Variants in TCFL5 observed in about 807,000 individuals in gnomAD.
The protein encoded by TCFL5 is transcription factor-like 5 protein.
TCFL5 carries 9 observed loss-of-function variants against 44.3 expected under a neutral mutation model. The ratio of observed to expected loss-of-function variants is 0.20; its 90% CI spans 0.12 to 0.35. TCFL5 has a LOEUF of 0.35. Ranked by LOEUF, TCFL5 falls within the 10% of genes least tolerant of loss-of-function variation. The pLI is 1.00. For missense variants in TCFL5, 603 were observed against 613.4 expected (o/e 0.98, Z 0.18); for synonymous variants, 319 against 271.6 (o/e 1.17, Z -1.72).
chr20:62,844,557 TTC>T (rs149701485), intron 5 of TCFL5, among the ~76,000 whole-genome samples: 6,903 of 147,076 alleles, frequency 0.047, 309 homozygotes, highest in African/African-American at 0.11. Flanking sequence ...AACATTTTTT[TTC>T]TGTTTTTTTT....
intron 5 of TCFL5, 141 bp downstream of exon 5, chr20:62,853,875 G>C: frequency 1.2e-6 from 1 of 847,796 alleles, no homozygotes; most frequent in Non-Finnish European, 1.8e-6. Context: ...TTAAAGAGCA[G>C]AGCTTTGCTC....
In TCFL5 at chr20:62,846,760, C is replaced by T. The variant is rs73321003; in HGVS notation, c.1381-4663G>A. Among the ~76,000 whole-genome samples, 750 of 130,016 alleles carry T rather than the reference C, an allele frequency of 5.8e-3. 10 individuals are homozygous for T. The highest frequency in any genetic ancestry group is 0.021 in the African/African-American group (713 of 34,270). The allele number at this position is 130,016 out of a possible 152,430, so 85.3% of individuals were successfully genotyped here. ...CCTGGGTGACAGAATGAGGGCCCCT[C>T]GCTGGGAAAAAAAAAAAAAGAGAGA... On this transcript the variant is annotated intron_variant, in intron 5 of 5. Transcript: ENST00000335351.
In TCFL5 at chr20:62,841,953, C is replaced by T. The variant is rs768190531; in HGVS notation, c.*22G>A. 44 of 1,612,964 alleles carry T rather than the reference C, an allele frequency of 2.7e-5. No individual in the cohort carries two copies. In the Admixed American group the frequency reaches 6.2e-4, roughly 23 times the overall value. ...CACGAAGGAATGGCTGTTCACCCCC[C>T]GAGGATTCCTGTTCAGTCCGATCAC... is the stretch of plus-strand genomic sequence containing the variant. On this transcript the variant is annotated 3_prime_UTR_variant, in exon 6 of 6. Coordinates refer to ENST00000335351, the MANE Select transcript of TCFL5 (RefSeq NM_006602.4).
chr20:62,859,253 T>C lies in TCFL5; in HGVS notation c.994+111A>G, dbSNP rs182585011. 196 of 1,075,482 alleles carry C rather than the reference T, an allele frequency of 1.8e-4. No individual in the cohort carries two copies. In the African/African-American group the frequency reaches 2.3e-3, roughly 13 times the overall value. The allele number at this position is 1,075,482 out of a possible 1,614,324, so 66.6% of individuals were successfully genotyped here. Reference sequence around the variant, plus strand: ...AGATACACAGACACCTCCAAGACTGTTTCACATGTGTACAAACCATCTGTC... The same window carrying C: ...AGATACACAGACACCTCCAAGACTGCTTCACATGTGTACAAACCATCTGTC... On this transcript the variant is annotated intron_variant, in intron 3 of 5. Transcript: ENST00000335351.
chr20:62,852,963 G>A, intron 5 of TCFL5: 3 of 1,288,906 alleles, frequency 2.3e-6, no homozygotes, highest in Non-Finnish European at 3.0e-6. Context: ...CTAGTCCGCA[G>A]AAGCATGGTC....
At chr20:62,854,384 G>A (rs1013817339) in intron 4 of TCFL5, among the ~76,000 whole-genome samples, 3 of 152,186 alleles carry the variant, frequency 2.0e-5, no homozygotes, top group Admixed American at 1.3e-4. Flanking sequence ...TGCCCTTGGC[G>A]GCCCCATGAC....
At chr20:62,853,129 CAGTCACCCGGTCCACAGTAT>C (rs1476298129) in intron 5 of TCFL5, among the ~76,000 whole-genome samples, 20 of 135,584 alleles carry the variant, frequency 1.5e-4, no homozygotes, top group South Asian at 9.2e-4. Context: ...CACAGAAGTA[CAGTCACCCGGTCCACAGTAT>C]AGTCACCCAG....
At chr20:62,852,197 C>T (rs1018110694) in intron 5 of TCFL5, 1 of 985,338 alleles carries the variant, frequency 1.0e-6, no homozygotes, top group African/African-American at 1.7e-5. Context: ...GCAGCAATTC[C>T]CCAACAGCTT....
intron 5 of TCFL5, chr20:62,845,602 T>C (rs1383215270): frequency 1.8e-5 from 29 of 1,575,542 alleles, no homozygotes; most frequent in Non-Finnish European, 2.4e-5. Context: ...CCGGAGAAGT[T>C]AGACCCTCGG....
intron 5 of TCFL5, chr20:62,852,524 G>A: frequency 1.0e-6 from 1 of 985,492 alleles, no homozygotes; most frequent in South Asian, 4.7e-5. Flanking sequence ...AACCACGATG[G>A]CTTGCTGCAG....
intron 5 of TCFL5, among the ~76,000 whole-genome samples, chr20:62,846,953 G>A (rs1012805564): frequency 2.0e-5 from 3 of 152,092 alleles, no homozygotes; most frequent in African/African-American, 7.2e-5. Context: ...GGGAGGCCGA[G>A]GTGGGTGGAT....
chr20:62,854,013 A>G lies in TCFL5; in HGVS notation c.1380+3T>C. On this transcript the variant is annotated splice_donor_region_variant and intron_variant, in intron 5 of 5. Transcript: ENST00000335351. ...CTGAAAATCTACCTGGCCTACCACTAACCTTTTTAAGAGAATCTCCATGTC... is the reference window on the plus strand; with the variant it reads ...CTGAAAATCTACCTGGCCTACCACTGACCTTTTTAAGAGAATCTCCATGTC... 1 of 1,613,718 alleles carries G rather than the reference A, an allele frequency of 6.2e-7. No homozygotes were observed. Among genetic ancestry groups the G allele is most frequent in the Non-Finnish European group, 8.5e-7 (1 of 1,179,932 alleles).
chr20:62,856,235 A>G (rs1386043288), intron 4 of TCFL5, among the ~76,000 whole-genome samples: 1 of 149,318 alleles, frequency 6.7e-6, no homozygotes, highest in African/African-American at 2.5e-5. Flanking sequence ...CCTGGGTGAC[A>G]AAGCAAGACT....
intron 4 of TCFL5, among the ~76,000 whole-genome samples, chr20:62,856,263 A>AG (rs2063888273): frequency 6.6e-6 from 1 of 150,882 alleles, no homozygotes; most frequent in African/African-American, 2.4e-5. Flanking sequence ...AAAAAAAAAA[A>AG]AAAAAAAGAA....
intron 5 of TCFL5, among the ~76,000 whole-genome samples, chr20:62,844,133 G>A (rs1642940695): frequency 6.6e-6 from 1 of 152,210 alleles, no homozygotes; most frequent in Non-Finnish European, 1.5e-5. Flanking sequence ...TGAACCTTCT[G>A]AGGAGCTGTC....
Position 62,842,180 on chromosome 20 carries a change from A to C in TCFL5, c.1381-83T>G. On this transcript the variant is annotated intron_variant, in intron 5 of 5. Transcript: ENST00000335351. This position sits in a 1 kb window ranked among gnomAD's most constrained non-coding sequence, Gnocchi z 4.3. The stretch of plus-strand genomic sequence containing the variant: ...TTCCAAAGTGCAAAAGGTTCAAATT[A>C]AGAGCTAAGTAAATGACTTTAGAAT... 6.4e-7 allele frequency: 1 copy of C among 1,562,774 alleles called. No homozygotes were observed. Among genetic ancestry groups the C allele is most frequent in the Non-Finnish European group, 8.7e-7 (1 of 1,146,432 alleles).
Position 62,861,481 on chromosome 20 carries a change from G to A in TCFL5, c.190C>T (p.His64Tyr). ...TCGCCGTCAGCCGCCGCCTCCATGTGCGAGCAGAGGATGTGCTGCAGCTGC... is the reference window on the plus strand; with the variant it reads ...TCGCCGTCAGCCGCCGCCTCCATGTACGAGCAGAGGATGTGCTGCAGCTGC... ...YTQLQHILCS[H>Y]MEAAADGELE... Residue 64 changes from histidine to tyrosine, a missense_variant, in exon 1 of 6, where the codon CAC (histidine) becomes TAC (tyrosine). Coordinates refer to ENST00000335351, the MANE Select transcript of TCFL5 (RefSeq NM_006602.4). The surrounding 1 kb of genome is among the most constrained non-coding windows in gnomAD (Gnocchi z 4.0). The A allele has an allele frequency of 1.7e-6, 2 of 1,193,840 alleles. No individual in the cohort carries two copies. Among genetic ancestry groups the A allele is most frequent in the Non-Finnish European group, 2.1e-6 (2 of 948,016 alleles). The allele number at this position is 1,193,840 out of a possible 1,614,324, so 74.0% of individuals were successfully genotyped here.
Position 62,861,539 on chromosome 20 carries a change from C to A in TCFL5, c.132G>T (p.Leu44=). The A allele has an allele frequency of 8.6e-7, 1 of 1,160,506 alleles. No individual in the cohort carries two copies. The highest frequency in any genetic ancestry group is 4.7e-5 in the East Asian group (1 of 21,346). 71.9% of individuals were successfully genotyped at this position (1,160,506 alleles called of 1,614,324 possible). A position where few individuals can be genotyped will look rare whatever the true frequency, so the allele number is the denominator to read the frequency against. ...EPGLSFTTTD[L]SLVEMTEVEY... ...CCACCTCCGTCATCTCCACCAGGCT[C>A]AGGTCGGTGGTCGTGAAGCTCAGCC... is the stretch of plus-strand genomic sequence containing the variant. Residue 44 remains leucine, a synonymous_variant, in exon 1 of 6, where the codon CTG becomes CTT. Transcript: ENST00000335351. The surrounding 1 kb of genome is among the most constrained non-coding windows in gnomAD (Gnocchi z 4.0).
chr20:62,847,917 T>C (rs535149974), intron 5 of TCFL5, among the ~76,000 whole-genome samples: 134 of 152,330 alleles, frequency 8.8e-4, no homozygotes, highest in Non-Finnish European at 1.5e-3. Context: ...CACAGGCTGC[T>C]GGGAATGGAT....
Sources: gnomAD v4.1 joint callset for allele counts (sites outside exome capture counted in the v4.1 genomes callset) on GRCh38, gnomAD v4.1.1 for gene constraint, Gnocchi (gnomAD v3.1) non-coding constraint, MANE v1.5 for transcripts, NCBI Gene and HGNC (gene_info 2026-07-23, HGNC 2026-07-21) for gene names.